Variants in NXN observed in about 807,000 individuals in gnomAD.
The protein encoded by NXN is nucleoredoxin 1.
Under a neutral mutation model 48.6 loss-of-function variants are expected in NXN, and 16 were observed. The ratio of observed to expected loss-of-function variants is 0.33; its 90% CI spans 0.22 to 0.50. The LOEUF (loss-of-function observed/expected upper bound fraction) is 0.50, where lower values mean the gene tolerates loss of function less well. Among genes scored for constraint, NXN ranks in the 20% least tolerant of loss-of-function variants. NXN has a pLI of 0.98. For synonymous variants in NXN, 281 were observed against 269.6 expected, an observed-to-expected ratio of 1.04 and a Z score of -0.41; for missense variants, 492 against 605.5, an observed-to-expected ratio of 0.81 and a Z score of 1.97.
intron 1 of NXN, among the ~76,000 whole-genome samples, chr17:921,844 C>CT (rs1047440453): frequency 1.2e-4 from 18 of 152,178 alleles, no homozygotes; most frequent in African/African-American, 3.9e-4. Flanking sequence ...GGCCCAGGCT[C>CT]TCTCCCTCAT....
At chr17:873,562 A>AGAG (rs1470505863) in intron 1 of NXN, among the ~76,000 whole-genome samples, 11 of 150,612 alleles carry the variant, frequency 7.3e-5, no homozygotes, top group Non-Finnish European at 5.9e-5. Flanking sequence ...CTAGTCACAG[A>AGAG]GAGACCTTTG....
At chr17:831,660 T>A (rs1597640866) in intron 1 of NXN, among the ~76,000 whole-genome samples, 1 of 151,594 alleles carries the variant, frequency 6.6e-6, no homozygotes, top group East Asian at 1.9e-4. Context: ...CCACCACACC[T>A]GGCTAATTTT....
intron 1 of NXN, among the ~76,000 whole-genome samples, chr17:897,303 G>A (rs1597223223): frequency 6.6e-6 from 1 of 152,294 alleles, no homozygotes; most frequent in East Asian, 1.9e-4. Flanking sequence ...AGAGACGTGT[G>A]GCTTTTCCCC....
chr17:811,509 T>C (rs911660412), intron 5 of NXN, among the ~76,000 whole-genome samples: 1 of 143,430 alleles, frequency 7.0e-6, no homozygotes, highest in East Asian at 2.1e-4. Context: ...GCCCCGGGGT[T>C]GGGGGGGGGG....
At chr17:847,972 C>T (rs973645751) in intron 1 of NXN, among the ~76,000 whole-genome samples, 11 of 152,114 alleles carry the variant, frequency 7.2e-5, no homozygotes, top group African/African-American at 2.7e-4. Context: ...AGACCAACAT[C>T]AATTCTCGTC....
At chr17:877,199 G>A (rs1050248256) in intron 1 of NXN, among the ~76,000 whole-genome samples, 8 of 152,084 alleles carry the variant, frequency 5.3e-5, no homozygotes, top group African/African-American at 1.9e-4. Context: ...CCAGGCTGGA[G>A]TGCAGTGGCA....
intron 1 of NXN, among the ~76,000 whole-genome samples, chr17:883,992 G>A (rs1019439618): frequency 5.9e-5 from 9 of 152,184 alleles, no homozygotes; most frequent in African/African-American, 2.2e-4. Context: ...GCCAAGACGG[G>A]CGGATCACGA....
At chr17:834,078 G>T (rs1016174749) in intron 1 of NXN, among the ~76,000 whole-genome samples, 1 of 152,204 alleles carries the variant, frequency 6.6e-6, no homozygotes, top group Non-Finnish European at 1.5e-5. Flanking sequence ...CCAGCACTCT[G>T]GGGGGACGAG....
chr17:841,473 C>A (rs1361535440), intron 1 of NXN, among the ~76,000 whole-genome samples: 4 of 145,382 alleles, frequency 2.8e-5, no homozygotes, highest in African/African-American at 5.0e-5. Context: ...CTCACACGGG[C>A]GAGCAGGTCC....
At chr17:903,966 T>C (rs1166174988) in intron 1 of NXN, among the ~76,000 whole-genome samples, 1 of 152,164 alleles carries the variant, frequency 6.6e-6, no homozygotes, top group Non-Finnish European at 1.5e-5. Flanking sequence ...AAGTCACTAG[T>C]CTGTGGACAA....
At chr17:804,053 GAGC>G in intron 6 of NXN, 1 of 518,440 alleles carries the variant, frequency 1.9e-6, no homozygotes. Flanking sequence ...CTGCCTCACT[GAGC>G]AGCTCTGCTC....
intron 1 of NXN, among the ~76,000 whole-genome samples, chr17:871,058 T>A (rs2068147692): frequency 6.6e-6 from 1 of 152,090 alleles, no homozygotes; most frequent in Non-Finnish European, 1.5e-5. Flanking sequence ...AGACGGGGTT[T>A]CACTGTGTTG....
intron 1 of NXN, among the ~76,000 whole-genome samples, chr17:961,472 C>A (rs1044486427): frequency 2.0e-5 from 3 of 152,078 alleles, no homozygotes; most frequent in Admixed American, 6.5e-5. Context: ...TGTTAACATT[C>A]AGAGGATTTC....
intron 1 of NXN, among the ~76,000 whole-genome samples, chr17:843,546 C>T (rs1339780252): frequency 1.3e-5 from 2 of 152,224 alleles, no homozygotes; most frequent in Admixed American, 1.3e-4. Flanking sequence ...CTGGTAATAA[C>T]AGGCTAGGGC....
rs140333914 is a variant in NXN at position 968,339 on chromosome 17, G to A, written c.360+10980C>T. Among the ~76,000 whole-genome samples, 63 of 152,296 alleles carry A rather than the reference G, an allele frequency of 4.1e-4. No individual in the cohort carries two copies. The East Asian group carries it at 0.011, about 27-fold the overall frequency. ...CTGGCCTCTCCCAGCTCAAAAGAGG[G>A]TGCGGGATCCATTCAGTAAAACCGA... On this transcript the variant is annotated intron_variant, in intron 1 of 7. Coordinates refer to ENST00000336868, the MANE Select transcript of NXN (RefSeq NM_022463.5).
intron 1 of NXN, among the ~76,000 whole-genome samples, chr17:940,276 G>A (rs1296843914): frequency 1.3e-5 from 2 of 149,364 alleles, no homozygotes; most frequent in African/African-American, 4.9e-5. Context: ...CCCTTTTTGT[G>A]GATTATAGGG....
At chr17:934,139 C>T (rs1185526634) in intron 1 of NXN, among the ~76,000 whole-genome samples, 7 of 152,016 alleles carry the variant, frequency 4.6e-5, no homozygotes, top group African/African-American at 1.7e-4. Context: ...CCGTGGCTCA[C>T]GTCTGTAATC....
At chr17:812,008 A>G (rs1912059570) in intron 5 of NXN, among the ~76,000 whole-genome samples, 2 of 143,416 alleles carry the variant, frequency 1.4e-5, no homozygotes, top group Non-Finnish European at 3.0e-5. Flanking sequence ...GCTCACTGCA[A>G]GCTCCGTCTC....
intron 1 of NXN, among the ~76,000 whole-genome samples, chr17:843,194 G>A (rs969029624): frequency 6.6e-6 from 1 of 152,206 alleles, no homozygotes; most frequent in South Asian, 2.1e-4. Context: ...CAAATGTGCC[G>A]AACGCAAAGT....
Sources: gnomAD v4.1 joint callset for allele counts (sites outside exome capture counted in the v4.1 genomes callset) on GRCh38, gnomAD v4.1.1 for gene constraint, MANE v1.5 for transcripts, NCBI Gene and HGNC (gene_info 2026-07-23, HGNC 2026-07-21) for gene names.